Variants in VAC14 observed in about 807,000 individuals in gnomAD.
VAC14 encodes the protein protein VAC14 homolog.
A neutral mutation model predicts 85.3 loss-of-function variants in VAC14; 47 were observed. The observed-to-expected ratio is 0.55, with a 90% CI of 0.44 to 0.70. The LOEUF (loss-of-function observed/expected upper bound fraction) is 0.70, where lower values mean the gene tolerates loss of function less well. VAC14 is among the 30% of genes least tolerant of loss of function. VAC14 has a pLI of 0.00. For missense variants in VAC14, 861 were observed against 1,004.3 expected (o/e 0.86, Z 1.93); for synonymous variants, 447 against 430.5 (o/e 1.04, Z -0.47).
chr16:70,763,544 G>A (rs955995163), intron 10 of VAC14, among the ~76,000 whole-genome samples: 2 of 152,240 alleles, frequency 1.3e-5, no homozygotes, highest in East Asian at 1.9e-4. Flanking sequence ...CCATCTGAAG[G>A]ATGTTTCTCA....
At position 70,786,380 on chromosome 16, in the gene VAC14, G is replaced by T; in HGVS notation, c.105-15C>A. The T allele has an allele frequency of 1.2e-6, 2 of 1,611,316 alleles. No individual in the cohort carries two copies. The highest frequency in any genetic ancestry group is 1.7e-6 in the Non-Finnish European group (2 of 1,177,700). ...CCCGGACCAGCCTGGAGAGAGAGGA[G>T]AGAGGGGCTGTGGGAATCAGGCTAC... On this transcript the variant is annotated splice_polypyrimidine_tract_variant and intron_variant, in intron 1 of 18. Transcript: ENST00000261776.
At chr16:70,799,976 C>G (rs1596982279) in intron 1 of VAC14, among the ~76,000 whole-genome samples, 1 of 152,148 alleles carries the variant, frequency 6.6e-6, no homozygotes, top group South Asian at 2.1e-4. Flanking sequence ...CTGGACAGAA[C>G]AGAAATACAA....
rs1404485733 is a variant in VAC14 at position 70,744,533 on chromosome 16, G to A, written c.1418C>T (p.Pro473Leu). ...LEVLAEIASSPAGQTDDPGPL... is the reference protein window; with the variant it reads ...LEVLAEIASSLAGQTDDPGPL... ...GCCTGGGTCATCCGTCTGGCCTGCG[G>A]GGGAGGAAGCGATTTCTGCCAGCAC... The change falls in exon 13 of 19, where the codon CCC becomes CTC. Residue 473 changes from proline to leucine, a missense_variant. Pro to Leu is a moderately conservative substitution (Grantham distance 98). Transcript: ENST00000261776. The A allele has an allele frequency of 6.8e-6, 11 of 1,611,368 alleles. No homozygotes were observed. The highest frequency in any genetic ancestry group is 9.3e-6 in the Non-Finnish European group (11 of 1,179,136).
At chr16:70,729,769 A>T (rs951147648) in intron 14 of VAC14, among the ~76,000 whole-genome samples, 5 of 152,072 alleles carry the variant, frequency 3.3e-5, no homozygotes, top group Non-Finnish European at 7.4e-5. Context: ...AAGCTCCACA[A>T]GTGCAGAACC....
chr16:70,778,183 G>C (rs921076625), intron 9 of VAC14, among the ~76,000 whole-genome samples: 10 of 152,190 alleles, frequency 6.6e-5, no homozygotes, highest in Non-Finnish European at 1.2e-4. Flanking sequence ...AAAATGCTTA[G>C]GAAAACCATC....
intron 10 of VAC14, among the ~76,000 whole-genome samples, chr16:70,765,832 A>G (rs62048008): frequency 0.057 from 8,683 of 152,176 alleles, 344 homozygotes; most frequent in Admixed American, 0.11. Context: ...CACATTTTTC[A>G]GTGTAATTTT....
intron 12 of VAC14, among the ~76,000 whole-genome samples, chr16:70,757,331 C>T (rs149665706): frequency 5.3e-5 from 8 of 152,356 alleles, no homozygotes; most frequent in Middle Eastern, 3.4e-3. Context: ...GGACTCAGGG[C>T]GGCCAGCTGG....
rs76510230 is a variant in VAC14 at position 70,797,129 on chromosome 16, G to A, written c.104+3668C>T. Among the ~76,000 whole-genome samples, 423 of 152,296 alleles carry A rather than the reference G, an allele frequency of 2.8e-3. 1 individual carries two copies. Among genetic ancestry groups the A allele is most frequent in the Middle Eastern group, 6.8e-3 (2 of 294 alleles). The stretch of plus-strand genomic sequence containing the variant: ...CATTTGTTACTATGGGTCTTACTGA[G>A]CTAAAATCAAGATGTTGGCAGGCTA... On this transcript the variant is annotated intron_variant, in intron 1 of 18. Coordinates refer to ENST00000261776, the MANE Select transcript of VAC14 (RefSeq NM_018052.5).
In VAC14 at chr16:70,785,720, G is replaced by T; in HGVS notation, c.405C>A (p.Leu135=). ...CGGTTACCTTGCTCAGCCCGTCAAA[G>T]AGCACGTTGAAGTGGGGCAGCACAG... ...RGAVLPHFNV[L]FDGLSKLAAD... The change falls in exon 3 of 19, where the codon CTC becomes CTA. Residue 135 remains leucine (L), a synonymous_variant. Coordinates refer to ENST00000261776, the MANE Select transcript of VAC14 (RefSeq NM_018052.5). The T allele has an allele frequency of 6.4e-7, 1 of 1,563,778 alleles. No individual in the cohort carries two copies. Among genetic ancestry groups the T allele is most frequent in the East Asian group, 2.4e-5 (1 of 42,470 alleles).
At chr16:70,741,543 A>G (rs1235893953) in intron 13 of VAC14, among the ~76,000 whole-genome samples, 1 of 152,202 alleles carries the variant, frequency 6.6e-6, no homozygotes, top group Non-Finnish European at 1.5e-5. Context: ...TGGAGCCTTG[A>G]GGCCCACACG....
intron 18 of VAC14, 139 bp from the exon 19 acceptor site, chr16:70,688,229 T>A (rs2053535451): frequency 7.7e-7 from 1 of 1,304,562 alleles, no homozygotes; most frequent in African/African-American, 1.5e-5. Context: ...CTGGCAACTC[T>A]TCCGTCATGG....
At chr16:70,771,945 C>T (rs1317747784) in intron 10 of VAC14, 164 bp downstream of exon 10, 9 of 653,540 alleles carry the variant, frequency 1.4e-5, no homozygotes, top group Non-Finnish European at 2.4e-5. Context: ...TGCTCAGTGT[C>T]CTTCAGATTC....
intron 7 of VAC14, among the ~76,000 whole-genome samples, chr16:70,782,792 C>T (rs561328853): frequency 5.9e-5 from 9 of 152,350 alleles, no homozygotes; most frequent in Non-Finnish European, 1.2e-4. Flanking sequence ...TCTTACTCCA[C>T]ACAGGCCACA....
At position 70,784,758 on chromosome 16, in the gene VAC14, G is replaced by C. The variant is rs1465587923; in HGVS notation, c.486+18C>G. The C allele has an allele frequency of 3.7e-6, 6 of 1,611,314 alleles. No homozygotes were observed. Among genetic ancestry groups the C allele is most frequent in the African/African-American group, 1.3e-5 (1 of 74,828 alleles). On this transcript the variant is annotated intron_variant, in intron 4 of 18. Coordinates refer to ENST00000261776, the MANE Select transcript of VAC14 (RefSeq NM_018052.5). ...GAAACAGATTGTAGAAATAAAAGTGGGGACAAAGTACAAATACCTTTAAAA... is the reference window on the plus strand; with the variant it reads ...GAAACAGATTGTAGAAATAAAAGTGCGGACAAAGTACAAATACCTTTAAAA...
At chr16:70,689,386 C>T (rs768019326) in intron 18 of VAC14, 10 of 985,308 alleles carry the variant, frequency 1.0e-5, no homozygotes, top group Non-Finnish European at 1.2e-5. Context: ...TTGGGGGAGA[C>T]AAAAAGGAGC....
In VAC14 at chr16:70,784,225, G is replaced by A. The variant is rs2143267098; in HGVS notation, c.487-5C>T. 6.2e-7 allele frequency: 1 copy of A among 1,613,264 alleles called. No homozygotes were observed. Among genetic ancestry groups the A allele is most frequent in the South Asian group, 1.1e-5 (1 of 91,048 alleles). ...GTTGCTCTCAGTCACAATGTCCTGT[G>A]GATCAGAGGAAAGTGAGCTGCCGAG... On this transcript the variant is annotated splice_region_variant and splice_polypyrimidine_tract_variant and intron_variant, in intron 4 of 18. Transcript: ENST00000261776.
chr16:70,689,268 GC>G (rs1237217019), intron 18 of VAC14: 5 of 985,490 alleles, frequency 5.1e-6, no homozygotes, highest in East Asian at 1.1e-4. Flanking sequence ...CTGGTATCCA[GC>G]CCCAGCTTAG....
At chr16:70,748,972 C>T (rs2031153298) in intron 12 of VAC14, among the ~76,000 whole-genome samples, 1 of 151,988 alleles carries the variant, frequency 6.6e-6, no homozygotes, top group South Asian at 2.1e-4. Flanking sequence ...AAACCATAAA[C>T]CAAAAAAGAG....
Position 70,772,988 on chromosome 16 carries a change from T to C in VAC14, c.1097-816A>G, listed in dbSNP as rs565591422. The C allele has an allele frequency of 1.6e-3, 240 of 152,286 alleles. 1 individual carries two copies. The highest frequency in any genetic ancestry group is 5.4e-3 in the African/African-American group (226 of 41,560). The allele number at this position is 152,286 out of a possible 1,614,324, so 9.4% of individuals were successfully genotyped here. On this transcript the variant is annotated intron_variant, in intron 9 of 18. Coordinates refer to ENST00000261776, the MANE Select transcript of VAC14 (RefSeq NM_018052.5). ...GAAGCCAGTCATAAAAGACTACATA[T>C]TGTATCCCTTTCTCGAAAGTGTTTA...
Sources: gnomAD v4.1 joint callset for allele counts (sites outside exome capture counted in the v4.1 genomes callset) on GRCh38, gnomAD v4.1.1 for gene constraint, MANE v1.5 for transcripts, NCBI Gene and HGNC (gene_info 2026-07-23, HGNC 2026-07-21) for gene names.